PTPRK: variants seen among roughly 807,000 people sequenced by gnomAD.
PTPRK encodes receptor-type tyrosine-protein phosphatase kappa.
PTPRK carries 75 observed loss-of-function variants against 178.0 expected under a neutral mutation model. That is an observed-to-expected ratio of 0.42 (90% confidence interval 0.35 to 0.51). PTPRK has a LOEUF of 0.51. Among genes scored for constraint, PTPRK ranks in the 20% least tolerant of loss-of-function variants. The pLI is 0.02. For missense variants in PTPRK, 1,441 were observed against 1,797.8 expected (o/e 0.80, Z 3.59); for synonymous variants, 637 against 620.6 (o/e 1.03, Z -0.39).
At chr6:128,460,544 TA>T (rs1161918649) in intron 1 of PTPRK, among the ~76,000 whole-genome samples, 10 of 148,142 alleles carry the variant, frequency 6.8e-5, no homozygotes, top group East Asian at 2.0e-4. Flanking sequence ...GACCTGTCTT[TA>T]AAAAAAAAAG....
intron 5 of PTPRK, 105 bp from the exon 6 acceptor site, chr6:128,219,201 G>A: frequency 1.8e-6 from 2 of 1,098,596 alleles, no homozygotes; most frequent in Non-Finnish European, 2.5e-6. Context: ...TGTTGCAAAA[G>A]AGCCACAATT....
chr6:128,186,574 G>A (rs2114704692), intron 6 of PTPRK, among the ~76,000 whole-genome samples: 1 of 152,194 alleles, frequency 6.6e-6, no homozygotes. Context: ...TGCATAGTAA[G>A]TGAACTCTTT....
At chr6:128,077,117 A>T (rs115805255) in intron 11 of PTPRK, among the ~76,000 whole-genome samples, 1 of 152,080 alleles carries the variant, frequency 6.6e-6, no homozygotes, top group Non-Finnish European at 1.5e-5. Flanking sequence ...GATAAATGCA[A>T]GTAGCTGGTA....
At chr6:128,086,395 A>G (rs1449363552) in intron 8 of PTPRK, among the ~76,000 whole-genome samples, 1 of 152,142 alleles carries the variant, frequency 6.6e-6, no homozygotes, top group Non-Finnish European at 1.5e-5. Flanking sequence ...ATGAAAACAA[A>G]ACCTCATACA....
At chr6:128,109,608 C>A (rs1396462124) in intron 7 of PTPRK, among the ~76,000 whole-genome samples, 4 of 152,100 alleles carry the variant, frequency 2.6e-5, no homozygotes, top group Non-Finnish European at 5.9e-5. Flanking sequence ...GGAAGCACAA[C>A]TTAAATACTT....
At chr6:128,147,374 C>T (rs935216538) in intron 7 of PTPRK, among the ~76,000 whole-genome samples, 5 of 152,146 alleles carry the variant, frequency 3.3e-5, no homozygotes, top group East Asian at 3.9e-4. Flanking sequence ...ATTAATCATC[C>T]TTTGGTACTA....
chr6:128,413,803 A>C (rs1459640288), intron 1 of PTPRK, among the ~76,000 whole-genome samples: 3 of 152,202 alleles, frequency 2.0e-5, no homozygotes, highest in African/African-American at 7.2e-5. Flanking sequence ...TCACTTTATA[A>C]GGATTACCTT....
Position 128,429,930 on chromosome 6 carries a change from T to G in PTPRK, c.101-32242A>C, listed in dbSNP as rs532520752. The stretch of plus-strand genomic sequence containing the variant: ...TTTAAACTATAGGCATTTTATCATT[T>G]TTGAATTCACTTATTAGGTATGAAA... On this transcript the variant is annotated intron_variant, in intron 1 of 29. Coordinates refer to ENST00000368226, the MANE Select transcript of PTPRK (RefSeq NM_002844.4). Among the ~76,000 whole-genome samples the G allele has an allele frequency of 2.6e-5, 4 of 152,342 alleles. No individual in the cohort carries two copies. The East Asian group carries it at 7.7e-4, about 29-fold the overall frequency.
At chr6:128,219,556 C>T (rs569272393) in intron 5 of PTPRK, among the ~76,000 whole-genome samples, 119 of 152,316 alleles carry the variant, frequency 7.8e-4, no homozygotes, top group African/African-American at 2.8e-3. Flanking sequence ...TCCTGACAGG[C>T]CACAGACCAG....
chr6:128,464,172 G>C (rs1362005655), intron 1 of PTPRK, among the ~76,000 whole-genome samples: 1 of 151,956 alleles, frequency 6.6e-6, no homozygotes, highest in Non-Finnish European at 1.5e-5. Flanking sequence ...TTTAGGCAAT[G>C]AGCCAAACTA....
intron 7 of PTPRK, among the ~76,000 whole-genome samples, chr6:128,114,252 G>A (rs781764061): frequency 2.6e-5 from 4 of 152,072 alleles, no homozygotes; most frequent in Non-Finnish European, 4.4e-5. Flanking sequence ...AGAAGGTGAA[G>A]AGGAGGCAAG....
intron 3 of PTPRK, among the ~76,000 whole-genome samples, chr6:128,275,069 A>C (rs1409434169): frequency 1.3e-5 from 2 of 152,062 alleles, no homozygotes; most frequent in Non-Finnish European, 2.9e-5. Flanking sequence ...CTTACCATGC[A>C]TATTTCCTTA....
At chr6:128,047,313 T>C (rs563971538) in intron 13 of PTPRK, among the ~76,000 whole-genome samples, 8 of 152,302 alleles carry the variant, frequency 5.3e-5, no homozygotes, top group Middle Eastern at 3.4e-3. Context: ...TAAGTAATAT[T>C]CTGAGTAAAT....
At chr6:128,085,605 T>A (rs1785640191) in intron 8 of PTPRK, among the ~76,000 whole-genome samples, 1 of 152,232 alleles carries the variant, frequency 6.6e-6, no homozygotes, top group African/African-American at 2.4e-5. Context: ...AGATTTATTT[T>A]ATCGAACATC....
rs146654340 is a variant in PTPRK, at chr6:128,071,445, C to T, written c.1884-3653G>A. Among the ~76,000 whole-genome samples, 576 of 152,090 alleles carry T rather than the reference C, an allele frequency of 3.8e-3. 4 individuals carry two copies. Among genetic ancestry groups the T allele is most frequent in the African/African-American group, 0.013 (556 of 41,536 alleles). ...TTTTCTATAACATCACCCAGAAATA[C>T]CCGTTTCAGTTTAAAATCTTGATAT... On this transcript the variant is annotated intron_variant, in intron 11 of 29. Transcript: ENST00000368226.
intron 13 of PTPRK, among the ~76,000 whole-genome samples, chr6:128,048,302 C>T (rs944264685): frequency 7.9e-5 from 12 of 152,032 alleles, no homozygotes; most frequent in African/African-American, 2.9e-4. Context: ...TTAACAAGCC[C>T]CCAAGTGATT....
chr6:128,187,227 AG>A (rs1368986633), intron 6 of PTPRK, among the ~76,000 whole-genome samples: 1 of 152,152 alleles, frequency 6.6e-6, no homozygotes. Flanking sequence ...TGAGAGAGGA[AG>A]GAAAGAAAAA....
chr6:128,296,987 G>A lies in PTPRK; in HGVS notation c.495+25052C>T, dbSNP rs1403606658. On this transcript the variant is annotated intron_variant, in intron 3 of 29. Transcript: ENST00000368226. ...GCTGTATTCAGGAAACCCATCTCAC[G>A]TGCAGAGACACACATAGGCTCAAAA... Among the ~76,000 whole-genome samples the A allele has an allele frequency of 9.0e-5, 13 of 144,678 alleles. No individual in the cohort carries two copies. In the East Asian group the frequency reaches 1.0e-3, roughly 11 times the overall value. The allele number at this position is 144,678 out of a possible 152,430, so 94.9% of individuals were successfully genotyped here.
chr6:127,990,825 A>T lies in PTPRK; in HGVS notation c.3040T>A (p.Cys1014Ser), dbSNP rs1776526424. ...TCAGCAAGTGGTTCCATTTCTACACACGTTACTTTGAAGTCACCATAAACT... is the reference window on the plus strand; with the variant it reads ...TCAGCAAGTGGTTCCATTTCTACACTCGTTACTTTGAAGTCACCATAAACT... ...TEVYGDFKVT[C>S]VEMEPLAEYV... Residue 1014 changes from cysteine to serine, a missense_variant, in exon 21 of 30, where the codon TGT becomes AGT. Physicochemically the swap from Cys to Ser is moderately radical, Grantham distance 112. Transcript: ENST00000368226. 3 of 1,612,338 alleles carry T rather than the reference A, an allele frequency of 1.9e-6. No individual in the cohort carries two copies. Among genetic ancestry groups the T allele is most frequent in the Non-Finnish European group, 1.7e-6 (2 of 1,178,800 alleles).
Sources: allele counts gnomAD v4.1 joint callset (sites outside exome capture counted in the v4.1 genomes callset), GRCh38; gene constraint gnomAD v4.1.1; transcripts MANE v1.5; gene names NCBI Gene and HGNC (gene_info 2026-07-23, HGNC 2026-07-21).